MAP3K3: variants seen among roughly 807,000 people sequenced by gnomAD.
MAP3K3 encodes mitogen-activated protein kinase kinase kinase 3, also known as MAP/ERK kinase kinase 3.
A neutral mutation model predicts 80.9 loss-of-function variants in MAP3K3; 12 were observed. That is an observed-to-expected ratio of 0.15 (90% confidence interval 0.10 to 0.24). The LOEUF (loss-of-function observed/expected upper bound fraction) is 0.24. MAP3K3 is among the 10% of genes least tolerant of loss of function. The pLI, the probability that MAP3K3 is intolerant of heterozygous loss-of-function variation, is 1.00. For missense variants in MAP3K3, 596 were observed against 834.7 expected (o/e 0.71, Z 3.52); for synonymous variants, 272 against 307.1 (o/e 0.89, Z 1.19).
rs568352233 is a variant in MAP3K3 at position 63,659,146 on chromosome 17, A to G, written c.381+1239A>G. On this transcript the variant is annotated intron_variant, in intron 5 of 15. Coordinates refer to ENST00000361733, the MANE Select transcript of MAP3K3 (RefSeq NM_002401.5). ...TTTAGCCTTGCAAAGTGCTGGGATT[A>G]CAAGTGTGAGCCACTACACCCAGCC... 5.9e-5 allele frequency among the ~76,000 whole-genome samples: 9 copies of G among 152,326 alleles called. No individual in the cohort carries two copies. The South Asian group carries it at 1.9e-3, about 32-fold the overall frequency.
At chr17:63,690,520 T>G in intron 12 of MAP3K3, 108 bp downstream of exon 12, 1 of 1,246,594 alleles carries the variant, frequency 8.0e-7, no homozygotes, top group Non-Finnish European at 1.1e-6. Context: ...CCTCTGTCAT[T>G]CTTCCCAAAC....
At chr17:63,633,255 C>A (rs2034255457) in intron 2 of MAP3K3, among the ~76,000 whole-genome samples, 1 of 151,834 alleles carries the variant, frequency 6.6e-6, no homozygotes, top group African/African-American at 2.4e-5. Context: ...GTTATATATG[C>A]CATGCAGTTA....
chr17:63,655,808 T>C, intron 4 of MAP3K3, among the ~76,000 whole-genome samples: 1 of 152,120 alleles, frequency 6.6e-6, no homozygotes, highest in East Asian at 1.9e-4. Flanking sequence ...TTTATTTAAC[T>C]CCCTTCCCAA....
chr17:63,636,983 G>A, intron 2 of MAP3K3: 1 of 617,312 alleles, frequency 1.6e-6, no homozygotes, highest in Non-Finnish European at 3.1e-6. Flanking sequence ...CATGGGCTAC[G>A]GTATCCGGAA....
At position 63,630,697 on chromosome 17, in the gene MAP3K3, G is replaced by C. The variant is rs563280419; in HGVS notation, c.5-1984G>C. ...AAAATAATTGATGGGATATATATGT[G>C]TTAATTTGACAGATGTCTTTTTGTA... On this transcript the variant is annotated intron_variant, in intron 1 of 15. Transcript: ENST00000361733. Among the ~76,000 whole-genome samples the C allele has an allele frequency of 5.9e-5, 9 of 152,184 alleles. No individual in the cohort carries two copies. The South Asian group carries it at 1.7e-3, about 28-fold the overall frequency.
At chr17:63,623,251 C>T (rs1345692644) in intron 1 of MAP3K3, among the ~76,000 whole-genome samples, 1 of 152,192 alleles carries the variant, frequency 6.6e-6, no homozygotes, top group African/African-American at 2.4e-5. Context: ...GTTCCCGGGG[C>T]TTGCTCTCCA....
intron 3 of MAP3K3, among the ~76,000 whole-genome samples, chr17:63,647,783 T>C (rs550205487): frequency 1.1e-3 from 167 of 152,324 alleles, no homozygotes; most frequent in Non-Finnish European, 4.7e-4. Flanking sequence ...TTTCGTGTAT[T>C]TCACGTCAGG....
rs562230655 is a variant in MAP3K3, at chr17:63,636,974, A to G, written c.126+4172A>G. 182 of 613,360 alleles carry G rather than the reference A, an allele frequency of 3.0e-4. 8 individuals carry two copies. Among genetic ancestry groups the G allele is most frequent in the Non-Finnish European group, 5.4e-4 (173 of 318,932 alleles). The allele number at this position is 613,360 out of a possible 1,614,324, so 38.0% of individuals were successfully genotyped here. A position where few individuals can be genotyped will look rare whatever the true frequency, so the allele number is the denominator to read the frequency against. On this transcript the variant is annotated intron_variant, in intron 2 of 15. Coordinates refer to ENST00000361733, the MANE Select transcript of MAP3K3 (RefSeq NM_002401.5). Reference sequence around the variant, plus strand: ...TAGGGGGGCCTCCAAGCTGGTGCCCATGGGCTACGGTATCCGGAAGCTGCA... The same window carrying G: ...TAGGGGGGCCTCCAAGCTGGTGCCCGTGGGCTACGGTATCCGGAAGCTGCA...
chr17:63,641,826 T>C (rs567215253), intron 2 of MAP3K3, among the ~76,000 whole-genome samples: 34 of 151,194 alleles, frequency 2.2e-4, no homozygotes, highest in Non-Finnish European at 4.3e-4. Context: ...GGTTGAGGAA[T>C]GGTCATGTGT....
At chr17:63,653,990 C>T (rs1217975567) in intron 4 of MAP3K3, among the ~76,000 whole-genome samples, 1 of 152,176 alleles carries the variant, frequency 6.6e-6, no homozygotes, top group Non-Finnish European at 1.5e-5. Flanking sequence ...CCTCAGCCAC[C>T]CAAGTAGCTG....
At chr17:63,627,971 T>A (rs560150795) in intron 1 of MAP3K3, among the ~76,000 whole-genome samples, 1 of 151,762 alleles carries the variant, frequency 6.6e-6, no homozygotes, top group South Asian at 2.1e-4. Context: ...GTTGGCATAG[T>A]CTTGGCTCAC....
chr17:63,666,077 C>T (rs1311429805), intron 5 of MAP3K3, among the ~76,000 whole-genome samples: 1 of 152,102 alleles, frequency 6.6e-6, no homozygotes, highest in Non-Finnish European at 1.5e-5. Flanking sequence ...TAGTTTTAAG[C>T]TTTCTCAGTG....
chr17:63,652,001 T>C (rs1261728220), intron 3 of MAP3K3, among the ~76,000 whole-genome samples: 2 of 152,250 alleles, frequency 1.3e-5, no homozygotes, highest in Non-Finnish European at 2.9e-5. Flanking sequence ...CTGTACGTTT[T>C]CTACCTTATT....
At chr17:63,628,768 C>T (rs759920304) in intron 1 of MAP3K3, among the ~76,000 whole-genome samples, 9 of 152,040 alleles carry the variant, frequency 5.9e-5, no homozygotes, top group Non-Finnish European at 1.2e-4. Context: ...ATGTGTAATA[C>T]AAGATAAGTA....
At chr17:63,636,863 C>T (rs897127671) in intron 2 of MAP3K3, 16 of 379,472 alleles carry the variant, frequency 4.2e-5, no homozygotes, top group Admixed American at 1.5e-4. Flanking sequence ...TCCTCCATCC[C>T]GCTGGACATC....
At chr17:63,663,603 G>A (rs7216798) in intron 5 of MAP3K3, among the ~76,000 whole-genome samples, 57,630 of 151,990 alleles carry the variant, frequency 0.38, 14,289 homozygotes, top group African/African-American at 0.71. Context: ...ATGAAGACAC[G>A]GATTTATTCA....
chr17:63,672,246 G>A (rs2035125857), intron 6 of MAP3K3, among the ~76,000 whole-genome samples: 1 of 145,418 alleles, frequency 6.9e-6, no homozygotes, highest in South Asian at 2.1e-4. Context: ...TGGTGCCATT[G>A]CACTCCAGCC....
chr17:63,657,367 G>T (rs2034792277), intron 4 of MAP3K3, among the ~76,000 whole-genome samples: 2 of 152,146 alleles, frequency 1.3e-5, no homozygotes, highest in South Asian at 2.1e-4. Flanking sequence ...AGATGAAAAA[G>T]ATTGAATCTT....
In MAP3K3 at chr17:63,691,831, C is replaced by T; in HGVS notation, c.1443C>T (p.His481=). The part of the protein sequence containing the change: ...RQILEGMSYL[H]SNMIVHRDIK... Reference sequence around the variant, plus strand: ...TCCTGGAGGGCATGTCCTACCTGCACAGCAACATGATTGTTCACCGGGACA... The same window carrying T: ...TCCTGGAGGGCATGTCCTACCTGCATAGCAACATGATTGTTCACCGGGACA... Residue 481 remains histidine (H), a synonymous_variant, in exon 14 of 16, where the codon CAC becomes CAT. Transcript: ENST00000361733. This position sits in a 1 kb window ranked among gnomAD's most constrained non-coding sequence, Gnocchi z 4.8. The T allele has an allele frequency of 6.2e-7, 1 of 1,614,136 alleles. No homozygotes were observed. The highest frequency in any genetic ancestry group is 8.5e-7 in the Non-Finnish European group (1 of 1,180,004).
Sources: allele counts gnomAD v4.1 joint callset (sites outside exome capture counted in the v4.1 genomes callset), GRCh38; gene constraint gnomAD v4.1.1; non-coding constraint Gnocchi (gnomAD v3.1); transcripts MANE v1.5; gene names NCBI Gene and HGNC (gene_info 2026-07-23, HGNC 2026-07-21).